DLGAP2: variants seen among roughly 807,000 people sequenced by gnomAD.
DLGAP2 encodes disks large-associated protein 2.
Under a neutral mutation model 100.3 loss-of-function variants are expected in DLGAP2, and 26 were observed. The ratio of observed to expected loss-of-function variants is 0.26; its 90% CI spans 0.19 to 0.36. The LOEUF (loss-of-function observed/expected upper bound fraction) is 0.36. Among genes scored for constraint, DLGAP2 ranks in the 10% least tolerant of loss-of-function variants. DLGAP2 has a pLI of 1.00. For synonymous variants in DLGAP2, 886 were observed against 630.1 expected, an observed-to-expected ratio of 1.41 and a Z score of -6.08; for missense variants, 1,858 against 1,453.2, an observed-to-expected ratio of 1.28 and a Z score of -4.53.
chr8:1,369,410 G>T (rs972656142), intron 3 of DLGAP2: 4 of 152,132 alleles, frequency 2.6e-5, no homozygotes, highest in African/African-American at 7.2e-5. Context: ...AAGGACCCCA[G>T]TCCTGTTTGA....
intron 1 of DLGAP2, among the ~76,000 whole-genome samples, chr8:899,289 GC>G (rs1320802089): frequency 6.6e-6 from 1 of 152,236 alleles, no homozygotes; most frequent in Non-Finnish European, 1.5e-5. Flanking sequence ...TGAGCCATTG[GC>G]CAAAGGTGGC....
intron 2 of DLGAP2, among the ~76,000 whole-genome samples, chr8:977,539 T>C (rs1800197180): frequency 6.6e-6 from 1 of 152,260 alleles, no homozygotes; most frequent in Non-Finnish European, 1.5e-5. Flanking sequence ...CAGTTAGTTT[T>C]GGGTACTTAT....
intron 2 of DLGAP2, among the ~76,000 whole-genome samples, chr8:1,099,208 C>A (rs1349116125): frequency 6.6e-6 from 1 of 152,214 alleles, no homozygotes; most frequent in Non-Finnish European, 1.5e-5. Flanking sequence ...CAGATCCTCT[C>A]CGAATGCGTA....
chr8:959,837 A>G (rs1452866847), intron 2 of DLGAP2, among the ~76,000 whole-genome samples: 3 of 152,234 alleles, frequency 2.0e-5, no homozygotes, highest in Non-Finnish European at 4.4e-5. Flanking sequence ...GTCATTAAAA[A>G]CAATGATTTT....
At chr8:1,225,687 T>C (rs1798399656) in intron 2 of DLGAP2, among the ~76,000 whole-genome samples, 1 of 152,266 alleles carries the variant, frequency 6.6e-6, no homozygotes, top group African/African-American at 2.4e-5. Context: ...ACTAGGTACA[T>C]ACTACCAAAA....
At chr8:759,083 AGCCTTCCTGTT>A (rs1820997184) in intron 1 of DLGAP2, among the ~76,000 whole-genome samples, 7 of 60,480 alleles carry the variant, frequency 1.2e-4, no homozygotes, top group African/African-American at 3.3e-4. Flanking sequence ...TACCCCCCAC[AGCCTTCCTGTT>A]ATCAATACCC....
intron 2 of DLGAP2, among the ~76,000 whole-genome samples, chr8:1,143,295 A>T (rs979032223): frequency 6.6e-6 from 1 of 152,180 alleles, no homozygotes; most frequent in African/African-American, 2.4e-5. Context: ...TAGACATCCT[A>T]AGCAGGGTGT....
chr8:990,223 A>G (rs1045804590), intron 2 of DLGAP2, among the ~76,000 whole-genome samples: 3 of 151,796 alleles, frequency 2.0e-5, no homozygotes, highest in African/African-American at 7.3e-5. Flanking sequence ...CACCTGTTAT[A>G]TTTGTGTCGT....
At chr8:1,076,633 C>A (rs749964779) in intron 2 of DLGAP2, among the ~76,000 whole-genome samples, 4 of 152,212 alleles carry the variant, frequency 2.6e-5, no homozygotes, top group Non-Finnish European at 5.9e-5. Flanking sequence ...CTGTACGTCT[C>A]CTTCCCAGCA....
chr8:953,111 A>T (rs1799519568), intron 2 of DLGAP2, among the ~76,000 whole-genome samples: 1 of 152,238 alleles, frequency 6.6e-6, no homozygotes, highest in Non-Finnish European at 1.5e-5. Context: ...TACCAATTTC[A>T]TCAGAAAAGC....
chr8:1,320,553 C>T (rs1197688521), intron 3 of DLGAP2, among the ~76,000 whole-genome samples: 1 of 152,162 alleles, frequency 6.6e-6, no homozygotes, highest in African/African-American at 2.4e-5. Flanking sequence ...TGATAACCAC[C>T]CCTGTGCTTG....
chr8:1,269,597 A>G (rs1469783477), intron 3 of DLGAP2, among the ~76,000 whole-genome samples: 1 of 152,124 alleles, frequency 6.6e-6, no homozygotes, highest in Non-Finnish European at 1.5e-5. Flanking sequence ...TGGTACATCT[A>G]ACAATAATGT....
At chr8:1,560,364 C>G (rs909478250) in intron 5 of DLGAP2, among the ~76,000 whole-genome samples, 8 of 152,104 alleles carry the variant, frequency 5.3e-5, no homozygotes, top group Non-Finnish European at 1.2e-4. Flanking sequence ...TTTTCGCCCT[C>G]GTGAGCATCT....
At chr8:1,090,770 G>A (rs2600505) in intron 2 of DLGAP2, among the ~76,000 whole-genome samples, 143,424 of 152,290 alleles carry the variant, frequency 0.94, 67,686 homozygotes, top group Non-Finnish European at 0.97. Context: ...TGTTGTTGTT[G>A]TTATTATTAT....
chr8:1,410,869 G>T (rs1019023), intron 3 of DLGAP2, among the ~76,000 whole-genome samples: 40,192 of 147,524 alleles, frequency 0.27, 5,545 homozygotes, highest in East Asian at 0.36. Context: ...CTTGTTTTCA[G>T]TTGTCTTATC....
intron 2 of DLGAP2, among the ~76,000 whole-genome samples, chr8:1,195,259 C>T (rs925415261): frequency 6.6e-6 from 1 of 152,326 alleles, no homozygotes; most frequent in East Asian, 1.9e-4. Flanking sequence ...GTTCTGCCTC[C>T]CGCTGGCCAA....
chr8:1,545,239 C>T (rs777120183), intron 4 of DLGAP2, among the ~76,000 whole-genome samples: 7 of 152,080 alleles, frequency 4.6e-5, no homozygotes, highest in Non-Finnish European at 1.0e-4. Flanking sequence ...ATAGAATTCA[C>T]CTGTGACACC....
chr8:1,644,683 T>C lies in DLGAP2; in HGVS notation c.1810+11637T>C, dbSNP rs892964663. Among the ~76,000 whole-genome samples, 8 of 152,366 alleles carry C rather than the reference T, an allele frequency of 5.3e-5. No individual in the cohort carries two copies. The East Asian group carries it at 1.3e-3, about 26-fold the overall frequency. ...TCGATGTACATTTAAAATGTACTTA[T>C]CTTTTAAAGACATAAAAACATTAGA... On this transcript the variant is annotated intron_variant, in intron 8 of 14. Coordinates refer to ENST00000637795, the MANE Select transcript of DLGAP2 (RefSeq NM_001346810.2).
intron 11 of DLGAP2, among the ~76,000 whole-genome samples, chr8:1,677,457 C>T (rs1798836786): frequency 6.6e-6 from 1 of 152,182 alleles, no homozygotes; most frequent in African/African-American, 2.4e-5. Flanking sequence ...CTGTGTGCTT[C>T]TATGGGTTCA....
Sources: gnomAD v4.1 joint callset for allele counts (sites outside exome capture counted in the v4.1 genomes callset) on GRCh38, gnomAD v4.1.1 for gene constraint, MANE v1.5 for transcripts, NCBI Gene and HGNC (gene_info 2026-07-23, HGNC 2026-07-21) for gene names.